The following DYNC2I1 variants were observed in gnomAD, a reference collection of about 807,000 sequenced individuals.
The protein encoded by DYNC2I1 is dynein 2 intermediate chain 1.
A neutral mutation model predicts 133.4 loss-of-function variants in DYNC2I1; 89 were observed. The ratio of observed to expected loss-of-function variants is 0.67; its 90% CI spans 0.56 to 0.80. The LOEUF (loss-of-function observed/expected upper bound fraction) is 0.80, where lower values mean the gene tolerates loss of function less well. Ranked by LOEUF, DYNC2I1 falls within the 30% of genes least tolerant of loss-of-function variation. DYNC2I1 has a pLI of 0.00. For synonymous variants in DYNC2I1, 504 were observed against 484.3 expected, an observed-to-expected ratio of 1.04 and a Z score of -0.54; for missense variants, 1,291 against 1,314.5, an observed-to-expected ratio of 0.98 and a Z score of 0.28.
At chr7:158,839,442 T>G in the DYNC2I1 span, among the ~76,000 whole-genome samples, 1 of 151,732 alleles carries the variant, frequency 6.6e-6, no homozygotes, top group Non-Finnish European at 1.5e-5. Context: ...CTAAAGAGGA[T>G]GCTAATGTGA....
chr7:158,958,090 C>T (rs2657319), downstream of DYNC2I1, among the ~76,000 whole-genome samples: 3,907 of 32,064 alleles, frequency 0.12, 21 homozygotes, highest in African/African-American at 0.18. Context: ...AGACACGCCC[C>T]AGGTCGTGGA....
At position 158,945,656 on chromosome 7, in the gene DYNC2I1, G is replaced by A. The variant is rs374045806; in HGVS notation, c.3078G>A (p.Ala1026=). The A allele has an allele frequency of 8.6e-5, 138 of 1,612,316 alleles. No individual in the cohort carries two copies. The highest frequency in any genetic ancestry group is 1.1e-4 in the Non-Finnish European group (124 of 1,179,366). ...TCCTGGCCCTGGTGCTGGCCAGGGC[G>A]TCTGGCTCCATCGACATCCAGCACC... ...GSFLALVLAR[A]SGSIDIQHLK... is the part of the protein sequence containing the mutation. The change falls in exon 25 of 25, where the codon GCG becomes GCA. Residue 1026 remains alanine (A), a synonymous_variant. Transcript: ENST00000407559. This position sits in a 1 kb window ranked among gnomAD's most constrained non-coding sequence, Gnocchi z 4.1.
downstream of DYNC2I1, among the ~76,000 whole-genome samples, chr7:158,949,585 G>A (rs1039039000): frequency 6.6e-6 from 1 of 152,206 alleles, no homozygotes; most frequent in Non-Finnish European, 1.5e-5. Flanking sequence ...AGCAGCAAAG[G>A]TAGGAGGGAG....
intron 1 of DYNC2I1, among the ~76,000 whole-genome samples, chr7:158,857,312 T>A (rs1345683046): frequency 3.3e-5 from 5 of 152,130 alleles, no homozygotes; most frequent in African/African-American, 1.2e-4. Context: ...AAGTGAGATA[T>A]TATGTGTAAA....
rs1223602799 is a variant in DYNC2I1 at position 158,901,731 on chromosome 7, A to G, written c.1060-8A>G. 1.3e-6 allele frequency: 2 copies of G among 1,557,844 alleles called. No homozygotes were observed. The highest frequency in any genetic ancestry group is 2.3e-5 in the East Asian group (1 of 43,236). On this transcript the variant is annotated splice_region_variant and splice_polypyrimidine_tract_variant and intron_variant, in intron 8 of 24. Coordinates refer to ENST00000407559, the MANE Select transcript of DYNC2I1 (RefSeq NM_018051.5). ...TTTTTTGGTTTTGTGTTTGATTTTT[A>G]CCTCTAGGAAATTGAAAAGGAAGAA...
chr7:158,844,746 C>A, the DYNC2I1 span, among the ~76,000 whole-genome samples: 1 of 152,162 alleles, frequency 6.6e-6, no homozygotes, highest in South Asian at 2.1e-4. Flanking sequence ...CTCAGCCTCT[C>A]GAGTAGCTGG....
chr7:158,946,562 C>T (rs1297542143), downstream of DYNC2I1, among the ~76,000 whole-genome samples: 2 of 152,244 alleles, frequency 1.3e-5, no homozygotes, highest in African/African-American at 2.4e-5. Flanking sequence ...GGCCCTGGGG[C>T]CTTCAGCCTC....
intron 24 of DYNC2I1, among the ~76,000 whole-genome samples, chr7:158,942,718 G>A (rs1851494929): frequency 6.6e-6 from 1 of 152,356 alleles, no homozygotes; most frequent in South Asian, 2.1e-4. Flanking sequence ...AGGGGGAAAG[G>A]AGGATGGTGT....
chr7:158,912,354 A>G (rs2129484826), intron 12 of DYNC2I1, among the ~76,000 whole-genome samples: 1 of 152,358 alleles, frequency 6.6e-6, no homozygotes, highest in Non-Finnish European at 1.5e-5. Context: ...GGTACCACCA[A>G]TCTTAACATT....
chr7:158,889,086 T>C (rs533413234), intron 7 of DYNC2I1, among the ~76,000 whole-genome samples: 249 of 150,158 alleles, frequency 1.7e-3, no homozygotes, highest in African/African-American at 5.9e-3. Context: ...TTTTCTTTTT[T>C]TTTTTTTTTT....
At chr7:158,936,782 G>T (rs956615249) in intron 23 of DYNC2I1, among the ~76,000 whole-genome samples, 2 of 152,166 alleles carry the variant, frequency 1.3e-5, no homozygotes, top group African/African-American at 2.4e-5. Context: ...TTCCCTTTGA[G>T]ACTTCCCTCA....
chr7:158,922,242 T>C (rs533276483), intron 15 of DYNC2I1, 135 bp from the exon 16 acceptor site: 33 of 773,366 alleles, frequency 4.3e-5, no homozygotes, highest in African/African-American at 1.7e-4. Context: ...CTACGTTTCA[T>C]GTATGTTGGT....
chr7:158,906,648 G>C (rs1472590514), intron 11 of DYNC2I1, among the ~76,000 whole-genome samples: 1 of 152,040 alleles, frequency 6.6e-6, no homozygotes, highest in African/African-American at 2.4e-5. Flanking sequence ...AGTAGAGACA[G>C]GGTTTCTCCA....
chr7:158,918,596 G>T lies in DYNC2I1; in HGVS notation c.1792-144G>T, dbSNP rs1045554533. The T allele has an allele frequency of 1.1e-5, 9 of 842,910 alleles. No individual in the cohort carries two copies. The African/African-American group carries it at 1.2e-4, about 11-fold the overall frequency. 52.2% of individuals were successfully genotyped at this position (842,910 alleles called of 1,614,324 possible). A position where few individuals can be genotyped will look rare whatever the true frequency, so the allele number is the denominator to read the frequency against. On this transcript the variant is annotated intron_variant, in intron 14 of 24. Coordinates refer to ENST00000407559, the MANE Select transcript of DYNC2I1 (RefSeq NM_018051.5). Reference sequence around the variant, plus strand: ...TTTTCAGTATTGAGCAGAAAGGACCGTATCGTTTTTCTTGTAGTTATGATA... The same window carrying T: ...TTTTCAGTATTGAGCAGAAAGGACCTTATCGTTTTTCTTGTAGTTATGATA...
At chr7:158,878,857 C>T (rs1256998827) in intron 4 of DYNC2I1, among the ~76,000 whole-genome samples, 2 of 136,478 alleles carry the variant, frequency 1.5e-5, no homozygotes, top group East Asian at 4.5e-4. Context: ...GTGGGGTGGC[C>T]AGGAGGGCCG....
intron 8 of DYNC2I1, among the ~76,000 whole-genome samples, chr7:158,893,530 A>G (rs981855199): frequency 2.0e-5 from 3 of 152,178 alleles, no homozygotes. Context: ...ATCTCATATA[A>G]TTTATTGACT....
chr7:158,924,366 G>A (rs937917089), intron 17 of DYNC2I1, among the ~76,000 whole-genome samples: 9 of 152,240 alleles, frequency 5.9e-5, no homozygotes, highest in Non-Finnish European at 1.3e-4. Context: ...GCCCCTTCCC[G>A]TAGGGGTTGG....
intron 13 of DYNC2I1, 50 bp from the exon 14 acceptor site, chr7:158,914,183 G>A: frequency 6.7e-7 from 1 of 1,482,012 alleles, no homozygotes; most frequent in Admixed American, 2.0e-5. Context: ...TGTAATGCAT[G>A]ATTATTTTAG....
At chr7:158,872,248 C>T (rs561193600) in intron 3 of DYNC2I1, among the ~76,000 whole-genome samples, 8 of 152,260 alleles carry the variant, frequency 5.3e-5, no homozygotes, top group African/African-American at 1.2e-4. Context: ...CCCAGGAGGT[C>T]GAGGCTGCAA....
Sources: gnomAD v4.1 joint callset for allele counts (sites outside exome capture counted in the v4.1 genomes callset) on GRCh38, gnomAD v4.1.1 for gene constraint, Gnocchi (gnomAD v3.1) non-coding constraint, MANE v1.5 for transcripts, NCBI Gene and HGNC (gene_info 2026-07-23, HGNC 2026-07-21) for gene names.